Variants in CAB39L observed in about 807,000 individuals in gnomAD.
CAB39L encodes the protein calcium-binding protein 39-like.
In CAB39L, 23 loss-of-function variants were observed where a neutral mutation model predicts 39.1. That is an observed-to-expected ratio of 0.59 (90% confidence interval 0.42 to 0.83). The LOEUF (loss-of-function observed/expected upper bound fraction) is 0.83. Ranked by LOEUF, CAB39L falls within the 40% of genes least tolerant of loss-of-function variation. The pLI is 0.00. For synonymous variants in CAB39L, 126 were observed against 137.2 expected, an observed-to-expected ratio of 0.92 and a Z score of 0.57; for missense variants, 366 against 391.9, an observed-to-expected ratio of 0.93 and a Z score of 0.56.
intron 6 of CAB39L, among the ~76,000 whole-genome samples, 167 bp downstream of exon 6, chr13:49,359,547 G>A (rs1955574256): frequency 6.6e-6 from 1 of 152,188 alleles, no homozygotes; most frequent in Admixed American, 6.5e-5. Flanking sequence ...AAAGGATTTT[G>A]CTGCAGTAAT....
intron 9 of CAB39L, 49 bp downstream of exon 9, chr13:49,339,628 A>G: frequency 6.7e-7 from 1 of 1,481,716 alleles, no homozygotes; most frequent in Non-Finnish European, 8.9e-7. Context: ...TCATTTGCTA[A>G]TGAGATATAA....
At chr13:49,401,824 A>G (rs1296536542) in intron 3 of CAB39L, among the ~76,000 whole-genome samples, 3 of 152,212 alleles carry the variant, frequency 2.0e-5, no homozygotes, top group Non-Finnish European at 4.4e-5. Context: ...TAACAGATTC[A>G]CCTGCTAATA....
chr13:49,309,367 A>G lies in CAB39L; in HGVS notation c.*1447T>C, dbSNP rs981653861. ...AGGTAACTCTTCAGGTACAAAATCT[A>G]CAAAGGGGATCAGTCCTGGAGAACA... On this transcript the variant is annotated 3_prime_UTR_variant, in exon 11 of 11. Transcript: ENST00000409308. The G allele has an allele frequency of 3.3e-5, 5 of 152,220 alleles. No homozygotes were observed. The highest frequency in any genetic ancestry group is 1.2e-4 in the African/African-American group (5 of 41,440). 9.4% of individuals were successfully genotyped at this position (152,220 alleles called of 1,614,324 possible).
At chr13:49,416,700 T>C (rs1957090977) in intron 3 of CAB39L, among the ~76,000 whole-genome samples, 1 of 152,200 alleles carries the variant, frequency 6.6e-6, no homozygotes, top group South Asian at 2.1e-4. Flanking sequence ...TATTTCCTCA[T>C]ATGTAAAATG....
intron 8 of CAB39L, 150 bp downstream of exon 8, chr13:49,344,029 C>T: frequency 1.6e-6 from 1 of 637,444 alleles, no homozygotes; most frequent in Non-Finnish European, 2.8e-6. Flanking sequence ...ATAAAGTTTC[C>T]TGATGACCTG....
chr13:49,319,830 TAAAA>T (rs61633162), intron 10 of CAB39L, among the ~76,000 whole-genome samples: 1 of 126,234 alleles, frequency 7.9e-6, no homozygotes, highest in Admixed American at 8.0e-5. Flanking sequence ...CTTTCTTTCT[TAAAA>T]AAAAAAAAAA....
intron 3 of CAB39L, among the ~76,000 whole-genome samples, chr13:49,384,543 C>T (rs967958949): frequency 4.6e-5 from 7 of 152,120 alleles, no homozygotes; most frequent in African/African-American, 1.7e-4. Context: ...TTGCCCAGAT[C>T]CATTAGAGGA....
At chr13:49,434,019 T>A in intron 2 of CAB39L, 67 bp downstream of exon 2, 2 of 345,934 alleles carry the variant, frequency 5.8e-6, no homozygotes, top group Non-Finnish European at 1.1e-5. Context: ...TTCTGTAAAA[T>A]CTATCTCCAT....
rs940563468 is a variant in CAB39L at position 49,310,783 on chromosome 13, CGACT to C, written c.*27_*30del. The C allele has an allele frequency of 6.2e-7, 1 of 1,605,190 alleles. No individual in the cohort carries two copies. The highest frequency in any genetic ancestry group is 1.3e-5 in the African/African-American group (1 of 74,416). On this transcript the variant is annotated 3_prime_UTR_variant, in exon 11 of 11. Transcript: ENST00000409308. The stretch of plus-strand genomic sequence containing the variant: ...CACTGTACAAACTGGACAAATGAGA[CGACT>C]GACTGTGACAGGGGCCGGGGAGCTC...
At chr13:49,427,154 A>G (rs967882886) in intron 3 of CAB39L, among the ~76,000 whole-genome samples, 2 of 152,146 alleles carry the variant, frequency 1.3e-5, no homozygotes, top group African/African-American at 4.8e-5. Flanking sequence ...TTTCTACATT[A>G]CTACAGGTGA....
At chr13:49,425,433 A>T (rs1015490327) in intron 3 of CAB39L, among the ~76,000 whole-genome samples, 1 of 152,232 alleles carries the variant, frequency 6.6e-6, no homozygotes, top group Non-Finnish European at 1.5e-5. Flanking sequence ...ACATATGTCT[A>T]TACACACGTA....
chr13:49,432,222 A>G (rs890918619), intron 3 of CAB39L, among the ~76,000 whole-genome samples: 9 of 152,060 alleles, frequency 5.9e-5, no homozygotes, highest in Non-Finnish European at 1.0e-4. Flanking sequence ...TGGTGTGACC[A>G]TGGCTCACTG....
chr13:49,350,633 G>T, intron 7 of CAB39L, 111 bp downstream of exon 7: 1 of 676,018 alleles, frequency 1.5e-6, no homozygotes, highest in Non-Finnish European at 2.4e-6. Context: ...ATACATGGTT[G>T]GCTACACTGA....
chr13:49,400,247 A>G (rs531567905), intron 3 of CAB39L, among the ~76,000 whole-genome samples: 26 of 152,050 alleles, frequency 1.7e-4, no homozygotes, highest in Non-Finnish European at 3.1e-4. Context: ...CAGTGACTCA[A>G]TTTCACAGTT....
At chr13:49,332,891 G>C (rs1235416506) in intron 9 of CAB39L, among the ~76,000 whole-genome samples, 2 of 151,894 alleles carry the variant, frequency 1.3e-5, no homozygotes, top group Non-Finnish European at 1.5e-5. Flanking sequence ...ACTTTATATA[G>C]AAGATATGTT....
chr13:49,397,401 T>C (rs1388468283), intron 3 of CAB39L, among the ~76,000 whole-genome samples: 1 of 152,058 alleles, frequency 6.6e-6, no homozygotes, highest in Non-Finnish European at 1.5e-5. Flanking sequence ...TTTTTATGAG[T>C]CCCATTCATC....
chr13:49,404,627 C>A (rs1370854874), intron 3 of CAB39L, among the ~76,000 whole-genome samples: 1 of 152,026 alleles, frequency 6.6e-6, no homozygotes, highest in East Asian at 1.9e-4. Flanking sequence ...CAGAGATATG[C>A]GACCTTTAAG....
intron 5 of CAB39L, among the ~76,000 whole-genome samples, chr13:49,368,934 C>T (rs1022903449): frequency 4.6e-5 from 7 of 152,114 alleles, no homozygotes; most frequent in Non-Finnish European, 5.9e-5. Context: ...AAAACACCCA[C>T]TTCAAAACAC....
chr13:49,384,969 C>T lies in CAB39L; in HGVS notation c.-31-2028G>A, dbSNP rs188862169. On this transcript the variant is annotated intron_variant, in intron 3 of 10. Coordinates refer to ENST00000409308, the MANE Select transcript of CAB39L (RefSeq NM_001079670.3). Reference sequence around the variant, plus strand: ...TGGAATGGGAAATGAATATTAGCTCCTACTTCAAGTTACCAGCTGCATTAG... The same window carrying T: ...TGGAATGGGAAATGAATATTAGCTCTTACTTCAAGTTACCAGCTGCATTAG... 3.2e-4 allele frequency among the ~76,000 whole-genome samples: 48 copies of T among 152,274 alleles called. 1 individual carries two copies. Among genetic ancestry groups the T allele is most frequent in the Non-Finnish European group, 7.4e-5 (5 of 68,006 alleles).
Sources: allele counts gnomAD v4.1 joint callset (sites outside exome capture counted in the v4.1 genomes callset), GRCh38; gene constraint gnomAD v4.1.1; transcripts MANE v1.5; gene names NCBI Gene and HGNC (gene_info 2026-07-23, HGNC 2026-07-21).